PCDHA8: variants seen among roughly 807,000 people sequenced by gnomAD.
The protein encoded by PCDHA8 is protocadherin alpha-8.
A neutral mutation model predicts 61.8 loss-of-function variants in PCDHA8; 53 were observed. The ratio of observed to expected loss-of-function variants is 0.86; its 90% CI spans 0.69 to 1.08. The LOEUF (loss-of-function observed/expected upper bound fraction) is 1.08, where lower values mean the gene tolerates loss of function less well. Ranked by LOEUF, PCDHA8 falls within the 50% of genes least tolerant of loss-of-function variation. The pLI is 0.00. For missense variants in PCDHA8, 1,293 were observed against 1,245.0 expected (o/e 1.04, Z -0.58); for synonymous variants, 618 against 556.6 (o/e 1.11, Z -1.55).
intron 1 of PCDHA8, among the ~76,000 whole-genome samples, chr5:140,846,143 A>G (rs1780220723): frequency 6.7e-6 from 1 of 149,736 alleles, no homozygotes; most frequent in African/African-American, 2.4e-5. Context: ...TCCCATATTT[A>G]AAAGTTGCCT....
At chr5:140,967,702 C>T (rs1563368615) in intron 1 of PCDHA8, 3 of 1,614,162 alleles carry the variant, frequency 1.9e-6, no homozygotes, top group Middle Eastern at 3.3e-4. Flanking sequence ...GCATAGATGC[C>T]AGTACCGGGG....
chr5:140,857,086 A>G, intron 1 of PCDHA8: 1 of 1,596,918 alleles, frequency 6.3e-7, no homozygotes, highest in South Asian at 1.1e-5. Context: ...ATGATAATTC[A>G]CCTGAGGTGA....
At chr5:140,968,609 G>C (rs1554230915) in intron 1 of PCDHA8, 1 of 1,614,194 alleles carries the variant, frequency 6.2e-7, no homozygotes, top group Admixed American at 1.7e-5. Context: ...CTCAGACTCT[G>C]GGCAAAATGC....
At chr5:140,859,957 A>G (rs1554152871) in intron 1 of PCDHA8, 1 of 151,974 alleles carries the variant, frequency 6.6e-6, no homozygotes, top group African/African-American at 2.4e-5. Context: ...ATCAATTGTA[A>G]AAGTCTCAGG....
At chr5:140,892,550 A>G (rs1337911954) in intron 1 of PCDHA8, among the ~76,000 whole-genome samples, 1 of 152,202 alleles carries the variant, frequency 6.6e-6, no homozygotes, top group East Asian at 1.9e-4. Context: ...TTGTTTCTCT[A>G]GTCCTTGGAG....
At chr5:140,864,452 T>C (rs1368510551) in intron 1 of PCDHA8, 1 of 152,266 alleles carries the variant, frequency 6.6e-6, no homozygotes, top group East Asian at 1.9e-4. Context: ...TCATGATCAA[T>C]ATCCATCTTT....
At chr5:140,876,649 G>A (rs372867848) in intron 1 of PCDHA8, 6 of 1,614,222 alleles carry the variant, frequency 3.7e-6, no homozygotes, top group Non-Finnish European at 5.1e-6. Flanking sequence ...GACACCTCAT[G>A]TTCCCTTCAA....
At chr5:140,857,283 T>C in intron 1 of PCDHA8, 1 of 1,598,740 alleles carries the variant, frequency 6.3e-7, no homozygotes, top group Non-Finnish European at 8.6e-7. Context: ...GACAGCGCTC[T>C]GGACCGCGAG....
intron 1 of PCDHA8, among the ~76,000 whole-genome samples, chr5:140,878,642 A>T (rs868995118): frequency 6.6e-6 from 1 of 152,216 alleles, no homozygotes; most frequent in East Asian, 1.9e-4. Context: ...TTCTATTTCT[A>T]CAAAAATATC....
intron 1 of PCDHA8, chr5:140,966,755 C>G: frequency 2.8e-6 from 4 of 1,434,520 alleles, no homozygotes; most frequent in Non-Finnish European, 1.8e-6. Flanking sequence ...GCCTCCGCCG[C>G]GGCCAGTGGC....
chr5:140,967,627 C>T (rs1218869340), intron 1 of PCDHA8: 5 of 1,614,158 alleles, frequency 3.1e-6, no homozygotes, highest in South Asian at 2.2e-5. Context: ...CGGATGAGGG[C>T]TCCAATGGTG....
intron 1 of PCDHA8, among the ~76,000 whole-genome samples, chr5:140,917,890 T>C (rs782473137): frequency 1.3e-5 from 2 of 152,098 alleles, no homozygotes; most frequent in Non-Finnish European, 2.9e-5. Context: ...TTTTTTTCCA[T>C]ATGAATGTTA....
intron 1 of PCDHA8, among the ~76,000 whole-genome samples, chr5:140,886,751 G>A (rs1156754601): frequency 2.0e-5 from 3 of 151,312 alleles, no homozygotes; most frequent in African/African-American, 7.3e-5. Context: ...GCTTGAACCC[G>A]GGAGGTGGAG....
chr5:140,925,964 CA>C lies in PCDHA8; in HGVS notation c.2395-52976del, dbSNP rs782520997. Among the ~76,000 whole-genome samples the C allele has an allele frequency of 8.1e-3, 1,224 of 150,190 alleles. 5 individuals carry two copies. The highest frequency in any genetic ancestry group is 0.019 in the African/African-American group (788 of 40,962). ...TGGAGAAGGAGAAACTGCTATCACG[CA>C]AAAAAAAAGCCTTGAGCTCGCTGGC... On this transcript the variant is annotated intron_variant, in intron 1 of 3. Transcript: ENST00000531613.
intron 1 of PCDHA8, chr5:140,928,055 C>T (rs1554205406): frequency 8.1e-6 from 13 of 1,614,066 alleles, no homozygotes; most frequent in South Asian, 3.3e-5. Context: ...TTTCAGCTGA[C>T]GGCTTCCTTT....
intron 1 of PCDHA8, among the ~76,000 whole-genome samples, chr5:140,846,095 G>A (rs2150384472): frequency 6.7e-5 from 10 of 149,712 alleles, no homozygotes; most frequent in African/African-American, 2.4e-4. Context: ...GTCCTTCCAA[G>A]GAATGTGTAG....
intron 1 of PCDHA8, among the ~76,000 whole-genome samples, chr5:140,943,453 G>A (rs545980639): frequency 2.6e-5 from 4 of 152,040 alleles, no homozygotes; most frequent in Non-Finnish European, 5.9e-5. Context: ...GAATTGATAA[G>A]GCTAAATGTG....
chr5:140,994,102 A>G (rs2097596379), intron 3 of PCDHA8, among the ~76,000 whole-genome samples: 1 of 152,194 alleles, frequency 6.6e-6, no homozygotes, highest in African/African-American at 2.4e-5. Context: ...TGATGGAAAT[A>G]TTACATTGTC....
rs570308036 is a variant in PCDHA8 at position 140,863,611 on chromosome 5, C to T, written c.2394+19896C>T. 129 of 339,126 alleles carry T rather than the reference C, an allele frequency of 3.8e-4. 2 individuals are homozygous for T. The highest frequency in any genetic ancestry group is 3.0e-3 in the South Asian group (124 of 41,340). The allele number at this position is 339,126 out of a possible 1,614,324, so 21.0% of individuals were successfully genotyped here. A position where few individuals can be genotyped will look rare whatever the true frequency, so the allele number is the denominator to read the frequency against. On this transcript the variant is annotated intron_variant, in intron 1 of 3. Coordinates refer to ENST00000531613, the MANE Select transcript of PCDHA8 (RefSeq NM_018911.3). ...AAGTATTTCATTCCTATTAATGTCC[C>T]TCATAGTGACATTGATAATGTTCAC...
Sources: allele counts gnomAD v4.1 joint callset (sites outside exome capture counted in the v4.1 genomes callset), GRCh38; gene constraint gnomAD v4.1.1; transcripts MANE v1.5; gene names NCBI Gene and HGNC (gene_info 2026-07-23, HGNC 2026-07-21).